CTIF: variants seen among roughly 807,000 people sequenced by gnomAD.
CTIF encodes the protein cap binding complex dependent translation initiation factor, also known as CBP80/20-dependent translation initiation factor.
Under a neutral mutation model 66.0 loss-of-function variants are expected in CTIF, and 21 were observed. The ratio of observed to expected loss-of-function variants is 0.32; its 90% CI spans 0.23 to 0.46. The LOEUF (loss-of-function observed/expected upper bound fraction) is 0.46, where lower values mean the gene tolerates loss of function less well. Among genes scored for constraint, CTIF ranks in the 20% least tolerant of loss-of-function variants. The pLI is 1.00. For synonymous variants in CTIF, 345 were observed against 326.4 expected, an observed-to-expected ratio of 1.06 and a Z score of -0.62; for missense variants, 739 against 812.7, an observed-to-expected ratio of 0.91 and a Z score of 1.10.
At chr18:48,639,759 CG>C (rs2090892337) in intron 3 of CTIF, among the ~76,000 whole-genome samples, 2 of 152,172 alleles carry the variant, frequency 1.3e-5, no homozygotes, top group African/African-American at 4.8e-5. Context: ...GTGTGGGGGC[CG>C]GATCCTTGCT....
chr18:48,595,734 T>A (rs953463498), intron 1 of CTIF, among the ~76,000 whole-genome samples: 1 of 152,190 alleles, frequency 6.6e-6, no homozygotes, highest in African/African-American at 2.4e-5. Context: ...TATTTCATGG[T>A]TTATGCTGGT....
rs145025946 is a variant in CTIF, at chr18:48,551,270, C to T, written c.-29+11958C>T. Among the ~76,000 whole-genome samples the T allele has an allele frequency of 3.0e-4, 46 of 151,952 alleles. 1 individual carries two copies. In the East Asian group the frequency reaches 8.7e-3, roughly 29 times the overall value. On this transcript the variant is annotated intron_variant, in intron 1 of 11. Coordinates refer to ENST00000256413, the MANE Select transcript of CTIF (RefSeq NM_014772.3). ...AAGCCAGCCCTGCCAACACCTTGAT[C>T]TTGGACTTCCAGTCTCCAGAATAAA...
At chr18:48,837,144 T>TG (rs763449431) in intron 10 of CTIF, among the ~76,000 whole-genome samples, 3 of 152,114 alleles carry the variant, frequency 2.0e-5, no homozygotes, top group Non-Finnish European at 4.4e-5. Flanking sequence ...GCCCAGGGGC[T>TG]GGGGGGTCTC....
intron 10 of CTIF, among the ~76,000 whole-genome samples, chr18:48,853,220 G>A (rs1376076199): frequency 6.6e-6 from 1 of 152,160 alleles, no homozygotes; most frequent in African/African-American, 2.4e-5. Context: ...GGGGAGACGG[G>A]CAATAGGCAA....
At chr18:48,558,016 G>A (rs1431107063) in intron 1 of CTIF, among the ~76,000 whole-genome samples, 1 of 152,234 alleles carries the variant, frequency 6.6e-6, no homozygotes, top group Non-Finnish European at 1.5e-5. Context: ...AATTCAGTCT[G>A]TAACACTTCT....
chr18:48,607,699 G>A (rs1215016394), intron 1 of CTIF, among the ~76,000 whole-genome samples: 1 of 152,128 alleles, frequency 6.6e-6, no homozygotes, highest in African/African-American at 2.4e-5. Flanking sequence ...AGGGTGGTGG[G>A]GGCATTACAG....
At chr18:48,683,880 G>T (rs1248904423) in intron 6 of CTIF, among the ~76,000 whole-genome samples, 1 of 152,292 alleles carries the variant, frequency 6.6e-6, no homozygotes, top group East Asian at 1.9e-4. Context: ...CTGAAAATTT[G>T]GGGCCCAGGC....
chr18:48,603,614 G>A (rs2090146863), intron 1 of CTIF, among the ~76,000 whole-genome samples: 1 of 151,000 alleles, frequency 6.6e-6, no homozygotes, highest in South Asian at 2.1e-4. Context: ...TGGGTGGGTG[G>A]GTGGATGGAT....
intron 6 of CTIF, among the ~76,000 whole-genome samples, chr18:48,676,998 C>T (rs1424194561): frequency 1.3e-5 from 2 of 151,988 alleles, no homozygotes; most frequent in Non-Finnish European, 2.9e-5. Flanking sequence ...GGGTCCTGGG[C>T]GGGAGGCCGG....
intron 10 of CTIF, among the ~76,000 whole-genome samples, chr18:48,842,140 G>T (rs528902509): frequency 6.6e-6 from 1 of 152,180 alleles, no homozygotes; most frequent in East Asian, 1.9e-4. Flanking sequence ...GGCTGTTTTC[G>T]AAGCTCCTGG....
intron 1 of CTIF, among the ~76,000 whole-genome samples, chr18:48,598,430 G>T (rs1264240597): frequency 2.6e-5 from 4 of 152,226 alleles, no homozygotes; most frequent in African/African-American, 9.6e-5. Flanking sequence ...CACCTTCCAA[G>T]GATGCTCAGG....
chr18:48,693,102 T>A (rs970306004), intron 6 of CTIF, among the ~76,000 whole-genome samples: 4 of 152,228 alleles, frequency 2.6e-5, no homozygotes, highest in Non-Finnish European at 5.9e-5. Flanking sequence ...TGAGCATATA[T>A]GTGTTGCCAC....
chr18:48,784,569 G>GCT (rs1184030290), intron 9 of CTIF, among the ~76,000 whole-genome samples: 1 of 151,984 alleles, frequency 6.6e-6, no homozygotes, highest in Non-Finnish European at 1.5e-5. Context: ...GGCATCTTTG[G>GCT]CTCTCTCTCT....
At chr18:48,674,709 C>T (rs1020972943) in intron 6 of CTIF, among the ~76,000 whole-genome samples, 1 of 152,172 alleles carries the variant, frequency 6.6e-6, no homozygotes, top group Non-Finnish European at 1.5e-5. Flanking sequence ...CTTGGAGCCC[C>T]CACAAGGATG....
At chr18:48,569,707 C>A (rs1246158574) in intron 1 of CTIF, among the ~76,000 whole-genome samples, 2 of 152,078 alleles carry the variant, frequency 1.3e-5, no homozygotes, top group African/African-American at 4.8e-5. Context: ...CAGTTCAGTT[C>A]GCAGAGGTTG....
Position 48,730,422 on chromosome 18 carries a change from CCT to C in CTIF, c.584+18728_584+18729del, listed in dbSNP as rs1568171482. On this transcript the variant is annotated intron_variant, in intron 7 of 11. Coordinates refer to ENST00000256413, the MANE Select transcript of CTIF (RefSeq NM_014772.3). ...AGGGGCTTCCACGGTGTGTGGGGCC[CCT>C]GCGCTGTGAGGGGCCCCTGTGGTGT... is the stretch of plus-strand genomic sequence containing the variant. 1.4e-3 allele frequency among the ~76,000 whole-genome samples: 154 copies of C among 108,152 alleles called. 15 individuals carry two copies. The highest frequency in any genetic ancestry group is 2.3e-3 in the Non-Finnish European group (106 of 45,692). The allele number at this position is 108,152 out of a possible 152,430, so 71.0% of individuals were successfully genotyped here. A position where few individuals can be genotyped will look rare whatever the true frequency, so the allele number is the denominator to read the frequency against.
chr18:48,658,109 A>G (rs1484697016), intron 3 of CTIF, among the ~76,000 whole-genome samples: 4 of 152,082 alleles, frequency 2.6e-5, no homozygotes, highest in Non-Finnish European at 4.4e-5. Flanking sequence ...GGTTTGTAGA[A>G]CAGCTGACAC....
At chr18:48,539,675 C>T (rs2088558600) in intron 1 of CTIF, 1 of 152,544 alleles carries the variant, frequency 6.6e-6, no homozygotes, top group South Asian at 2.1e-4. Flanking sequence ...TGGAGCTGCG[C>T]GGTGTAGCCG....
At chr18:48,616,335 G>A (rs1458932546) in intron 1 of CTIF, among the ~76,000 whole-genome samples, 1 of 152,334 alleles carries the variant, frequency 6.6e-6, no homozygotes, top group East Asian at 1.9e-4. Flanking sequence ...GGCCAGGCAC[G>A]GAGCCTGCTT....
Sources: allele counts gnomAD v4.1 joint callset (sites outside exome capture counted in the v4.1 genomes callset), GRCh38; gene constraint gnomAD v4.1.1; transcripts MANE v1.5; gene names NCBI Gene and HGNC (gene_info 2026-07-23, HGNC 2026-07-21).